Variants in STXBP4 observed in about 807,000 individuals in gnomAD.
STXBP4 encodes the protein syntaxin-binding protein 4.
In STXBP4, 55 loss-of-function variants were observed where a neutral mutation model predicts 76.1. That is an observed-to-expected ratio of 0.72 (90% confidence interval 0.58 to 0.91). STXBP4 has a LOEUF of 0.91. STXBP4 is among the 40% of genes least tolerant of loss of function. The probability of loss-of-function intolerance (pLI) is 0.00; values close to 1 mark genes in which losing one functional copy is unlikely to be tolerated. For synonymous variants in STXBP4, 201 were observed against 220.2 expected (o/e 0.91, Z 0.77); for missense variants, 618 against 636.9 (o/e 0.97, Z 0.32).
At chr17:55,156,231 GGTC>G (rs1200683685) in intron 17 of STXBP4, among the ~76,000 whole-genome samples, 8 of 151,858 alleles carry the variant, frequency 5.3e-5, no homozygotes, top group Admixed American at 3.9e-4. Context: ...TGAACCATGG[GGTC>G]TTTATTAATT....
intron 12 of STXBP4, among the ~76,000 whole-genome samples, chr17:55,070,141 A>T (rs2079103714): frequency 6.6e-6 from 1 of 152,162 alleles, no homozygotes; most frequent in Non-Finnish European, 1.5e-5. Flanking sequence ...TTATAACTAG[A>T]CTGCCAAATC....
intron 16 of STXBP4, among the ~76,000 whole-genome samples, chr17:55,093,015 G>C (rs1174521956): frequency 6.6e-6 from 1 of 151,384 alleles, no homozygotes; most frequent in Non-Finnish European, 1.5e-5. Flanking sequence ...GTTTTTTGGA[G>C]ACAGGGTCTC....
chr17:55,097,830 T>A (rs569008852), intron 16 of STXBP4, among the ~76,000 whole-genome samples: 1 of 152,338 alleles, frequency 6.6e-6, no homozygotes, highest in African/African-American at 2.4e-5. Context: ...TATGGCATAA[T>A]AGATTTGGCT....
Position 54,999,192 on chromosome 17 carries a change from C to G in STXBP4, c.181-153C>G, listed in dbSNP as rs980840443. On this transcript the variant is annotated intron_variant, in intron 4 of 17. Coordinates refer to ENST00000376352, the MANE Select transcript of STXBP4 (RefSeq NM_178509.6). ...ATATGTTACCAAACCAGACTTTAAT[C>G]AAGAGATTTTGCTACTGAGGTTGTC... Among the ~76,000 whole-genome samples, 5 of 152,290 alleles carry G rather than the reference C, an allele frequency of 3.3e-5. No homozygotes were observed. In the East Asian group the frequency reaches 9.6e-4, roughly 29 times the overall value.
intron 8 of STXBP4, 112 bp from the exon 9 acceptor site, chr17:55,031,056 G>T: frequency 1.3e-6 from 1 of 744,220 alleles, no homozygotes; most frequent in East Asian, 2.8e-5. Flanking sequence ...GTTTAATCCT[G>T]GTCGACTGTT....
chr17:55,181,186 T>C, the STXBP4 span, among the ~76,000 whole-genome samples: 1 of 152,240 alleles, frequency 6.6e-6, no homozygotes, highest in African/African-American at 2.4e-5. Context: ...TTTGCAGACT[T>C]ATCTAGTTTT....
At chr17:55,108,465 C>T (rs2079664149) in intron 16 of STXBP4, among the ~76,000 whole-genome samples, 1 of 152,146 alleles carries the variant, frequency 6.6e-6, no homozygotes, top group South Asian at 2.1e-4. Context: ...TGAAAAAAAA[C>T]TCCTGCAACT....
chr17:55,087,135 T>C (rs907635357), intron 16 of STXBP4, among the ~76,000 whole-genome samples: 6 of 152,078 alleles, frequency 3.9e-5, no homozygotes, highest in Non-Finnish European at 8.8e-5. Flanking sequence ...GTTGGTTTTC[T>C]GCTAGTAGTT....
the STXBP4 span, among the ~76,000 whole-genome samples, chr17:55,180,478 G>A: frequency 1.3e-5 from 2 of 152,130 alleles, no homozygotes; most frequent in African/African-American, 4.8e-5. Context: ...ACTTCAACCT[G>A]AGTTCTTTTT....
At chr17:55,096,403 T>C (rs1057163571) in intron 16 of STXBP4, among the ~76,000 whole-genome samples, 2 of 152,158 alleles carry the variant, frequency 1.3e-5, no homozygotes, top group Non-Finnish European at 1.5e-5. Flanking sequence ...ACTTTTTATT[T>C]TAATTCGAAT....
chr17:55,156,908 T>C (rs1445770876), intron 17 of STXBP4, among the ~76,000 whole-genome samples: 1 of 152,238 alleles, frequency 6.6e-6, no homozygotes, highest in Non-Finnish European at 1.5e-5. Context: ...GGTAGAACTT[T>C]CTGATATTCA....
In STXBP4 at chr17:54,999,659, C is replaced by A; in HGVS notation, c.315C>A (p.Phe105Leu). Residue 105 changes from phenylalanine (F) to leucine (L), a missense_variant, in exon 6 of 18, where the codon TTC becomes TTA. Physicochemically the swap from Phe to Leu is conservative, Grantham distance 22. Coordinates refer to ENST00000376352, the MANE Select transcript of STXBP4 (RefSeq NM_178509.6). ...TAGAATCTGCTTGGGAGATAGCATT[C>A]ATAAGACAAAAATCCGACAACATTC... ...LRLESAWEIA[F>L]IRQKSDNIQP... 6.2e-7 allele frequency: 1 copy of A among 1,613,596 alleles called. No homozygotes were observed. The highest frequency in any genetic ancestry group is 1.1e-5 in the South Asian group (1 of 91,034).
chr17:54,975,983 C>T (rs1238579499), intron 1 of STXBP4, among the ~76,000 whole-genome samples: 1 of 152,130 alleles, frequency 6.6e-6, no homozygotes, highest in African/African-American at 2.4e-5. Context: ...TATCTGAAAT[C>T]TAGTTCATTT....
chr17:54,999,892 C>T (rs2077879832), intron 6 of STXBP4, 50 bp downstream of exon 6: 1 of 1,248,778 alleles, frequency 8.0e-7, no homozygotes. Flanking sequence ...CATAAATTCC[C>T]TATACATTTT....
intron 12 of STXBP4, among the ~76,000 whole-genome samples, chr17:55,057,857 T>A (rs1005614918): frequency 5.9e-5 from 9 of 152,204 alleles, no homozygotes; most frequent in Admixed American, 1.3e-4. Context: ...TCCAGCTTCA[T>A]CCATGTATCT....
chr17:55,185,188 T>TC, the STXBP4 span, among the ~76,000 whole-genome samples: 15 of 141,338 alleles, frequency 1.1e-4, no homozygotes, highest in Admixed American at 2.8e-4. Flanking sequence ...TTCTTCTTCT[T>TC]TTTCTTCTTC....
chr17:54,990,271 G>A (rs528180308), intron 3 of STXBP4, among the ~76,000 whole-genome samples: 2 of 143,854 alleles, frequency 1.4e-5, no homozygotes, highest in African/African-American at 5.3e-5. Flanking sequence ...GTAGTGGTCC[G>A]TAGTCTGTTA....
chr17:55,175,021 CA>C (rs113547228), downstream of STXBP4, among the ~76,000 whole-genome samples: 3,131 of 146,374 alleles, frequency 0.021, 114 homozygotes, highest in African/African-American at 0.071. Flanking sequence ...GACTCCATCT[CA>C]AAAAAAAAAC....
At chr17:55,105,334 A>G (rs1049024248) in intron 16 of STXBP4, among the ~76,000 whole-genome samples, 1 of 152,050 alleles carries the variant, frequency 6.6e-6, no homozygotes, top group Non-Finnish European at 1.5e-5. Context: ...CTTTGTTGTC[A>G]TTGGTTTCAA....
Sources: allele counts gnomAD v4.1 joint callset (sites outside exome capture counted in the v4.1 genomes callset), GRCh38; gene constraint gnomAD v4.1.1; transcripts MANE v1.5; gene names NCBI Gene and HGNC (gene_info 2026-07-23, HGNC 2026-07-21).